ZSCAN25: variants seen among roughly 807,000 people sequenced by gnomAD.
ZSCAN25 encodes zinc finger and SCAN domain-containing protein 25.
A neutral mutation model predicts 38.7 loss-of-function variants in ZSCAN25; 27 were observed. That is an observed-to-expected ratio of 0.70 (90% CI 0.51 to 0.96). ZSCAN25 has a LOEUF of 0.96. Among genes scored for constraint, ZSCAN25 ranks in the 40% least tolerant of loss-of-function variants. ZSCAN25 has a pLI of 0.00. For synonymous variants in ZSCAN25, 273 were observed against 277.7 expected (o/e 0.98, Z 0.17); for missense variants, 637 against 705.9 (o/e 0.90, Z 1.11).
chr7:99,717,672 A>G, the ZSCAN25 span: 75 of 1,611,384 alleles, frequency 4.7e-5, 3 homozygotes, highest in South Asian at 7.5e-4. Flanking sequence ...TTTGTCCTAC[A>G]TCAGTTGTGG....
At chr7:99,655,433 T>C in the ZSCAN25 span, among the ~76,000 whole-genome samples, 4 of 152,338 alleles carry the variant, frequency 2.6e-5, no homozygotes, top group Admixed American at 6.5e-5. Context: ...GCTCCATTGA[T>C]CAATATCTCT....
At chr7:99,706,154 A>G in the ZSCAN25 span, among the ~76,000 whole-genome samples, 4 of 152,192 alleles carry the variant, frequency 2.6e-5, no homozygotes, top group African/African-American at 9.6e-5. Flanking sequence ...CTTGGTTTAC[A>G]AGGGTAGTGC....
the ZSCAN25 span, among the ~76,000 whole-genome samples, chr7:99,650,596 C>G: frequency 1.3e-5 from 2 of 152,244 alleles, no homozygotes; most frequent in South Asian, 4.1e-4. Context: ...TCAACTCACA[C>G]TTGTGTTGGT....
chr7:99,703,515 A>G, the ZSCAN25 span, among the ~76,000 whole-genome samples: 4 of 152,192 alleles, frequency 2.6e-5, no homozygotes, highest in African/African-American at 4.8e-5. Flanking sequence ...TCATCTATCT[A>G]TATATCTATC....
the ZSCAN25 span, among the ~76,000 whole-genome samples, chr7:99,706,885 A>G: frequency 2.6e-5 from 4 of 152,254 alleles, no homozygotes; most frequent in African/African-American, 9.6e-5. Context: ...GATATTTTAA[A>G]TGGAATAAAA....
At chr7:99,672,295 C>T in the ZSCAN25 span, among the ~76,000 whole-genome samples, 1 of 152,094 alleles carries the variant, frequency 6.6e-6, no homozygotes, top group Non-Finnish European at 1.5e-5. Context: ...CGTGATCCAC[C>T]TGCCTCGGCC....
chr7:99,677,516 C>G, the ZSCAN25 span, among the ~76,000 whole-genome samples: 73 of 152,286 alleles, frequency 4.8e-4, no homozygotes, highest in Non-Finnish European at 2.1e-4. Flanking sequence ...GTATTAAGAC[C>G]TTGTTTACTC....
At chr7:99,705,222 G>A in the ZSCAN25 span, 1 of 353,550 alleles carries the variant, frequency 2.8e-6, no homozygotes, top group Non-Finnish European at 5.3e-6. Flanking sequence ...AGGAGTTAAT[G>A]GTGCTAACTG....
the ZSCAN25 span, chr7:99,709,134 C>G: frequency 6.2e-7 from 1 of 1,613,972 alleles, no homozygotes; most frequent in Non-Finnish European, 8.5e-7. Flanking sequence ...AATAAACATC[C>G]CATTGATTTC....
chr7:99,627,041 A>T (rs1807532542), intron 7 of ZSCAN25, among the ~76,000 whole-genome samples: 1 of 152,238 alleles, frequency 6.6e-6, no homozygotes, highest in Non-Finnish European at 1.5e-5. Context: ...TTTCAAACAT[A>T]CAGAAAAGCT....
At chr7:99,723,406 C>G in the ZSCAN25 span, among the ~76,000 whole-genome samples, 1 of 152,188 alleles carries the variant, frequency 6.6e-6, no homozygotes, top group Non-Finnish European at 1.5e-5. Flanking sequence ...AGATAACTTC[C>G]TTTAACTGCA....
the ZSCAN25 span, chr7:99,731,071 C>T: frequency 2.1e-5 from 34 of 1,613,778 alleles, no homozygotes; most frequent in Non-Finnish European, 2.6e-5. Flanking sequence ...TACGGAAGGA[C>T]AAAGCATTTC....
chr7:99,731,124 T>TA, the ZSCAN25 span: 12 of 1,613,840 alleles, frequency 7.4e-6, no homozygotes, highest in Non-Finnish European at 1.0e-5. Flanking sequence ...CCAAGCTTCT[T>TA]AAAAAGTCCA....
the ZSCAN25 span, among the ~76,000 whole-genome samples, chr7:99,656,702 A>T: frequency 1.2e-4 from 18 of 152,304 alleles, no homozygotes; most frequent in Admixed American, 1.3e-4. Flanking sequence ...CGGTGAATCC[A>T]TCTGGTCCTG....
the ZSCAN25 span, among the ~76,000 whole-genome samples, chr7:99,689,106 A>T: frequency 1.3e-5 from 2 of 152,246 alleles, no homozygotes; most frequent in Admixed American, 1.3e-4. Flanking sequence ...CAATTAAAAG[A>T]ACTAGAAAAG....
the ZSCAN25 span, chr7:99,647,688 C>A: frequency 3.9e-4 from 383 of 985,352 alleles, 1 homozygote; most frequent in African/African-American, 5.6e-3. Context: ...TGGGCAAAGT[C>A]ACAGCAGATT....
At chr7:99,660,799 A>C in the ZSCAN25 span, 4 of 989,084 alleles carry the variant, frequency 4.0e-6, no homozygotes, top group African/African-American at 5.0e-5. Context: ...AGTGGTTTTC[A>C]TTCTGATATG....
At chr7:99,666,945 T>G in the ZSCAN25 span, 1 of 1,612,962 alleles carries the variant, frequency 6.2e-7, no homozygotes, top group Non-Finnish European at 8.5e-7. Flanking sequence ...TCATCTTATT[T>G]TCATACCTCC....
the ZSCAN25 span, among the ~76,000 whole-genome samples, chr7:99,700,669 T>A: frequency 1.3e-4 from 20 of 152,276 alleles, no homozygotes; most frequent in Admixed American, 1.2e-3. Flanking sequence ...CTGTTTCCCT[T>A]AGCAGAGGTG....
Sources: allele counts gnomAD v4.1 joint callset (sites outside exome capture counted in the v4.1 genomes callset), GRCh38; gene constraint gnomAD v4.1.1; transcripts MANE v1.5; gene names NCBI Gene and HGNC (gene_info 2026-07-23, HGNC 2026-07-21).